PIGK: variants seen among roughly 807,000 people sequenced by gnomAD.
PIGK encodes the protein GPI-anchor transamidase.
In PIGK, 42 loss-of-function variants were observed where a neutral mutation model predicts 50.6. That is an observed-to-expected ratio of 0.83 (90% confidence interval 0.65 to 1.07). The LOEUF (loss-of-function observed/expected upper bound fraction) is 1.07. PIGK is among the 50% of genes least tolerant of loss of function. The pLI is 0.00. For missense variants in PIGK, 448 were observed against 488.7 expected (o/e 0.92, Z 0.78); for synonymous variants, 151 against 156.0 (o/e 0.97, Z 0.24).
rs201097123 is a variant in PIGK at position 77,161,252 on chromosome 1, T to C, written c.813+43A>G. 12 of 914,136 alleles carry C rather than the reference T, an allele frequency of 1.3e-5. No individual in the cohort carries two copies. In the African/African-American group the frequency reaches 1.5e-4, roughly 11 times the overall value. 56.6% of individuals were successfully genotyped at this position (914,136 alleles called of 1,614,324 possible). On this transcript the variant is annotated intron_variant, in intron 8 of 10. Coordinates refer to ENST00000370812, the MANE Select transcript of PIGK (RefSeq NM_005482.3). ...TAATACACTTCTTTTCACATTAAGG[T>C]TAGCATACCTATGTGCTATAATCAA... is the stretch of plus-strand genomic sequence containing the variant.
rs1378070445 is a variant in PIGK at position 77,163,886 on chromosome 1, CTA to C, written c.542_543del (p.Ile181ArgfsTer7). The part of the protein sequence containing the change: ...KFQDSEEITN[I>X]ELADAFEQMW... ...ATTTGTTCAAAAGCATCCGCGAGTT[CTA>C]TGTTGGTAATTTCTTCAGAATCTTG... On this transcript the variant is annotated frameshift_variant, in exon 6 of 11. Coordinates refer to ENST00000370812, the MANE Select transcript of PIGK (RefSeq NM_005482.3). LOFTEE classifies it high-confidence loss of function. 1.9e-6 allele frequency: 3 copies of C among 1,609,552 alleles called. No homozygotes were observed. Among genetic ancestry groups the C allele is most frequent in the Admixed American group, 1.7e-5 (1 of 59,534 alleles).
chr1:77,099,001 C>T (rs10782640), intron 10 of PIGK, among the ~76,000 whole-genome samples: 98,711 of 151,874 alleles, frequency 0.65, 32,874 homozygotes, highest in African/African-American at 0.81. Context: ...TATTCATTTA[C>T]TCTAATTCCT....
chr1:77,203,147 C>T (rs1656209321), intron 3 of PIGK, among the ~76,000 whole-genome samples: 1 of 150,410 alleles, frequency 6.6e-6, no homozygotes, highest in Non-Finnish European at 1.5e-5. Context: ...CTGTGGTAGA[C>T]TTGATGAAAG....
chr1:77,143,569 T>C (rs1390954743), intron 9 of PIGK, among the ~76,000 whole-genome samples: 1 of 152,116 alleles, frequency 6.6e-6, no homozygotes, highest in Non-Finnish European at 1.5e-5. Flanking sequence ...CTTTATAAAC[T>C]GACAATTCAA....
chr1:77,208,391 G>A (rs1570265102), intron 2 of PIGK, among the ~76,000 whole-genome samples: 1 of 152,264 alleles, frequency 6.6e-6, no homozygotes, highest in Non-Finnish European at 1.5e-5. Flanking sequence ...TGAAATTGAA[G>A]AGAGGTTTGG....
intron 9 of PIGK, among the ~76,000 whole-genome samples, chr1:77,134,067 T>C (rs1180954421): frequency 6.6e-6 from 1 of 152,236 alleles, no homozygotes; most frequent in Non-Finnish European, 1.5e-5. Flanking sequence ...CATGATGATA[T>C]GTAAATCAGT....
In PIGK at chr1:77,108,879, G is replaced by C. The variant is rs535258280; in HGVS notation, c.1071+13396C>G. On this transcript the variant is annotated intron_variant, in intron 10 of 10. Coordinates refer to ENST00000370812, the MANE Select transcript of PIGK (RefSeq NM_005482.3). ...CTGATACCCTTTCTTCAAGTTGATTGAATTGGCTACTGAAGCGTGTGCATT... is the reference window on the plus strand; with the variant it reads ...CTGATACCCTTTCTTCAAGTTGATTCAATTGGCTACTGAAGCGTGTGCATT... Among the ~76,000 whole-genome samples, 3 of 152,204 alleles carry C rather than the reference G, an allele frequency of 2.0e-5. No homozygotes were observed. In the East Asian group the frequency reaches 5.8e-4, roughly 29 times the overall value.
intron 8 of PIGK, among the ~76,000 whole-genome samples, chr1:77,157,672 A>T (rs1438657768): frequency 6.6e-6 from 1 of 152,222 alleles, no homozygotes; most frequent in South Asian, 2.1e-4. Flanking sequence ...ATCAACATAT[A>T]TAATCTTCAA....
At chr1:77,211,788 C>A (rs533159571) in intron 1 of PIGK, among the ~76,000 whole-genome samples, 2 of 148,480 alleles carry the variant, frequency 1.3e-5, no homozygotes, top group South Asian at 4.2e-4. Flanking sequence ...ATAAAGATTG[C>A]TGAGGTTTCT....
At chr1:77,093,196 T>G (rs1432472089) in intron 10 of PIGK, among the ~76,000 whole-genome samples, 1 of 152,066 alleles carries the variant, frequency 6.6e-6, no homozygotes, top group Non-Finnish European at 1.5e-5. Flanking sequence ...ACTATTATAT[T>G]TATCTTTATC....
chr1:77,206,499 C>T (rs1489099714), intron 3 of PIGK, 141 bp downstream of exon 3: 2 of 562,740 alleles, frequency 3.6e-6, no homozygotes, highest in Non-Finnish European at 6.4e-6. Context: ...TGGTAGTATG[C>T]TCTAATGAGA....
chr1:77,183,173 T>A (rs142202382), intron 3 of PIGK, among the ~76,000 whole-genome samples: 2 of 152,134 alleles, frequency 1.3e-5, no homozygotes, highest in African/African-American at 4.8e-5. Context: ...AGGGCATTGA[T>A]TGGAAAAGAA....
chr1:77,163,591 T>C (rs1030132206), intron 6 of PIGK, among the ~76,000 whole-genome samples: 2 of 152,144 alleles, frequency 1.3e-5, no homozygotes, highest in African/African-American at 4.8e-5. Flanking sequence ...GAGGGACACT[T>C]ATTTCCTCTA....
chr1:77,134,041 A>G (rs1654445489), intron 9 of PIGK, among the ~76,000 whole-genome samples: 1 of 152,226 alleles, frequency 6.6e-6, no homozygotes, highest in South Asian at 2.1e-4. Context: ...CTCAATCATT[A>G]TAGTATGAAA....
chr1:77,213,214 T>G (rs950280079), intron 1 of PIGK, among the ~76,000 whole-genome samples: 2 of 152,154 alleles, frequency 1.3e-5, no homozygotes, highest in African/African-American at 2.4e-5. Flanking sequence ...CAAACAGAAC[T>G]AACAGACATT....
intron 9 of PIGK, among the ~76,000 whole-genome samples, chr1:77,142,342 T>C (rs920092302): frequency 2.0e-5 from 3 of 152,146 alleles, no homozygotes; most frequent in Non-Finnish European, 2.9e-5. Flanking sequence ...ATGACTGTGA[T>C]GAGTTTTAGA....
At chr1:77,211,317 A>G (rs1184002404) in intron 1 of PIGK, among the ~76,000 whole-genome samples, 1 of 151,896 alleles carries the variant, frequency 6.6e-6, no homozygotes, top group African/African-American at 2.4e-5. Context: ...GAACAAATCA[A>G]GAGTCATCTA....
At chr1:77,137,964 T>C (rs759490571) in intron 9 of PIGK, among the ~76,000 whole-genome samples, 1 of 152,206 alleles carries the variant, frequency 6.6e-6, no homozygotes, top group South Asian at 2.1e-4. Flanking sequence ...ATAAGTCATA[T>C]ATCTAATGTT....
chr1:77,195,935 T>C (rs1183085978), intron 3 of PIGK, among the ~76,000 whole-genome samples: 2 of 152,158 alleles, frequency 1.3e-5, no homozygotes, highest in Non-Finnish European at 2.9e-5. Context: ...GCTACCCAGG[T>C]ACTAAGCATA....
Sources: gnomAD v4.1 joint callset for allele counts (sites outside exome capture counted in the v4.1 genomes callset) on GRCh38, gnomAD v4.1.1 for gene constraint, MANE v1.5 for transcripts, NCBI Gene and HGNC (gene_info 2026-07-23, HGNC 2026-07-21) for gene names.